Variants in AKR1C3 observed in about 807,000 individuals in gnomAD.
The protein encoded by AKR1C3 is aldo-keto reductase family 1 member C3.
AKR1C3 carries 48 observed loss-of-function variants against 43.6 expected under a neutral mutation model. The ratio of observed to expected loss-of-function variants is 1.10; its 90% CI spans 0.87 to 1.40. The LOEUF (loss-of-function observed/expected upper bound fraction) is 1.40, where lower values mean the gene tolerates loss of function less well. Among genes scored for constraint, AKR1C3 ranks in the 40% most tolerant of loss-of-function variants. The pLI is 0.00. For synonymous variants in AKR1C3, 162 were observed against 139.6 expected (o/e 1.16, Z -1.13); for missense variants, 482 against 391.2 (o/e 1.23, Z -1.96).
upstream of AKR1C3, among the ~76,000 whole-genome samples, chr10:5,090,809 A>C (rs1339724237): frequency 6.6e-6 from 1 of 152,156 alleles, no homozygotes; most frequent in Non-Finnish European, 1.5e-5. Context: ...TGAGGAAAGA[A>C]GACTGATGAG....
chr10:5,097,419 C>A lies in AKR1C3; in HGVS notation c.253-15C>A, dbSNP rs555441815. The A allele has an allele frequency of 5.3e-5, 85 of 1,612,700 alleles. No homozygotes were observed. In the South Asian group the frequency reaches 7.0e-4, roughly 13 times the overall value. The stretch of plus-strand genomic sequence containing the variant: ...GCATTCATTCAAAATCACCTCCATT[C>A]TTTAACCTCTGCAGCTTTGGTCCAC... On this transcript the variant is annotated splice_polypyrimidine_tract_variant and intron_variant, in intron 2 of 8. Coordinates refer to ENST00000380554, the MANE Select transcript of AKR1C3 (RefSeq NM_003739.6).
chr10:5,099,569 C>T, intron 5 of AKR1C3, 120 bp downstream of exon 5: 5 of 1,515,274 alleles, frequency 3.3e-6, no homozygotes, highest in Non-Finnish European at 4.5e-6. Context: ...ATCTAGAGAG[C>T]AAAGCTTCTG....
At chr10:5,099,690 T>G (rs1463985522) in intron 5 of AKR1C3, 4 of 606,218 alleles carry the variant, frequency 6.6e-6, no homozygotes, top group African/African-American at 1.9e-5. Flanking sequence ...GAGGTCCATT[T>G]GATCAGGGAG....
intron 1 of AKR1C3, among the ~76,000 whole-genome samples, chr10:5,063,630 C>T (rs1246705281): frequency 6.6e-6 from 1 of 151,230 alleles, no homozygotes; most frequent in Non-Finnish European, 1.5e-5. Flanking sequence ...CTACTAAAAA[C>T]ACAAAATTAA....
intron 3 of AKR1C3, 113 bp downstream of exon 3, chr10:5,097,663 A>C (rs1315845216): frequency 5.1e-6 from 8 of 1,581,050 alleles, no homozygotes; most frequent in Non-Finnish European, 6.0e-6. Flanking sequence ...TATCACACAG[A>C]AGAAGAACCG....
intron 1 of AKR1C3, among the ~76,000 whole-genome samples, chr10:5,095,899 C>A (rs1381596153): frequency 6.6e-6 from 1 of 152,052 alleles, no homozygotes; most frequent in African/African-American, 2.4e-5. Context: ...CCCAAGTGAA[C>A]CCTAGTTGGG....
chr10:5,062,789 G>A (rs1208866436), intron 1 of AKR1C3, among the ~76,000 whole-genome samples: 2 of 149,164 alleles, frequency 1.3e-5, no homozygotes, highest in Admixed American at 6.8e-5. Flanking sequence ...GTAAATACTA[G>A]ATCTGCTACA....
At chr10:5,092,388 C>G (rs1396200401), upstream of AKR1C3, among the ~76,000 whole-genome samples, 1 of 151,824 alleles carries the variant, frequency 6.6e-6, no homozygotes, top group Non-Finnish European at 1.5e-5. Context: ...CCCCCATAGG[C>G]TCCTGCTTCT....
At chr10:5,106,775 A>G (rs72774027) in intron 8 of AKR1C3, among the ~76,000 whole-genome samples, 9,345 of 149,734 alleles carry the variant, frequency 0.062, 349 homozygotes, top group Middle Eastern at 0.085. Flanking sequence ...GCAGGAAGTT[A>G]TGTAACTGCT....
chr10:5,093,790 G>C (rs1357262058), upstream of AKR1C3: 1 of 152,040 alleles, frequency 6.6e-6, no homozygotes, highest in Non-Finnish European at 1.5e-5. Flanking sequence ...CTTTTTATTT[G>C]CACCCTCATC....
intron 8 of AKR1C3, 113 bp from the exon 9 acceptor site, chr10:5,107,348 C>A (rs1839532808): frequency 2.7e-6 from 2 of 748,774 alleles, no homozygotes; most frequent in Admixed American, 2.5e-5. Flanking sequence ...GCAGATTCTA[C>A]AACTAGTCAG....
intron 1 of AKR1C3, among the ~76,000 whole-genome samples, chr10:5,082,039 A>C (rs1554782410): frequency 6.6e-6 from 1 of 152,168 alleles, no homozygotes; most frequent in African/African-American, 2.4e-5. Flanking sequence ...TTATCATAAG[A>C]GGAAAAAACA....
intron 1 of AKR1C3, among the ~76,000 whole-genome samples, chr10:5,059,858 T>C (rs1302804438): frequency 6.6e-6 from 1 of 151,992 alleles, no homozygotes; most frequent in Admixed American, 6.6e-5. Flanking sequence ...CCAGAAATGG[T>C]GGGTTCTTGG....
chr10:5,049,116 G>T (rs1564349579), intron 1 of AKR1C3, among the ~76,000 whole-genome samples: 1 of 151,642 alleles, frequency 6.6e-6, no homozygotes, highest in Non-Finnish European at 1.5e-5. Flanking sequence ...TTGGGGCACT[G>T]TTTTTTTTCT....
At chr10:5,094,791 ACT>A (rs1489199999) in intron 1 of AKR1C3, among the ~76,000 whole-genome samples, 2 of 152,078 alleles carry the variant, frequency 1.3e-5, no homozygotes, top group African/African-American at 2.4e-5. Flanking sequence ...AATATGTAAA[ACT>A]CAGTATTGAA....
At chr10:5,082,440 ATTAT>A (rs1554782455) in intron 1 of AKR1C3, among the ~76,000 whole-genome samples, 1 of 151,994 alleles carries the variant, frequency 6.6e-6, no homozygotes, top group Non-Finnish European at 1.5e-5. Context: ...GATGTCCCTT[ATTAT>A]TTTGAGTCAT....
At chr10:5,070,705 CAA>C (rs1838599395) in intron 1 of AKR1C3, among the ~76,000 whole-genome samples, 1 of 152,128 alleles carries the variant, frequency 6.6e-6, no homozygotes, top group African/African-American at 2.4e-5. Flanking sequence ...TAAAGAGATT[CAA>C]GAGAGAGTGC....
rs150090738 is a variant in AKR1C3 at position 5,075,650 on chromosome 10, G to A, written c.85-20760G>A. ...AGCACTTTGGGAGGCTGAGGTGGGC[G>A]AATCACCTGAGGTTGGGAGTTTGAG... On this transcript the variant is annotated intron_variant, in intron 1 of 8. Coordinates refer to the AKR1C3 transcript ENST00000439082. Among the ~76,000 whole-genome samples the A allele has an allele frequency of 5.2e-3, 795 of 152,176 alleles. 9 individuals are homozygous for A. The highest frequency in any genetic ancestry group is 0.017 in the African/African-American group (726 of 41,508).
intron 7 of AKR1C3, among the ~76,000 whole-genome samples, chr10:5,103,263 C>T (rs1554786428): frequency 6.6e-6 from 1 of 152,062 alleles, no homozygotes; most frequent in East Asian, 1.9e-4. Context: ...TTTTCATTTC[C>T]ATTTCTTCGT....
Sources: allele counts gnomAD v4.1 joint callset (sites outside exome capture counted in the v4.1 genomes callset), GRCh38; gene constraint gnomAD v4.1.1; transcripts MANE v1.5; gene names NCBI Gene and HGNC (gene_info 2026-07-23, HGNC 2026-07-21).